Variants in ESRP1 observed in about 807,000 individuals in gnomAD.
ESRP1 encodes the protein RNA-binding motif protein 35A.
ESRP1 carries 33 observed loss-of-function variants against 81.7 expected under a neutral mutation model. The ratio of observed to expected loss-of-function variants is 0.40; its 90% CI spans 0.31 to 0.54. ESRP1 has a LOEUF of 0.54. ESRP1 is among the 20% of genes least tolerant of loss of function. The probability of loss-of-function intolerance (pLI) is 0.41; values close to 1 mark genes in which losing one functional copy is unlikely to be tolerated. For synonymous variants in ESRP1, 320 were observed against 303.3 expected, an observed-to-expected ratio of 1.06 and a Z score of -0.57; for missense variants, 672 against 833.1, an observed-to-expected ratio of 0.81 and a Z score of 2.38.
chr8:94,648,456 T>G (rs1817948222), intron 4 of ESRP1, among the ~76,000 whole-genome samples: 1 of 152,244 alleles, frequency 6.6e-6, no homozygotes. Context: ...GACCAATTTC[T>G]GAGGCTAAAA....
chr8:94,662,595 G>GTTTTT, intron 6 of ESRP1, 40 bp downstream of exon 6: 2 of 1,203,978 alleles, frequency 1.7e-6, no homozygotes, highest in Non-Finnish European at 2.3e-6. Context: ...TTTTTAACTT[G>GTTTTT]TTTTTTTTTT....
At chr8:94,692,450 C>T (rs1186414427) in intron 13 of ESRP1, among the ~76,000 whole-genome samples, 1 of 151,888 alleles carries the variant, frequency 6.6e-6, no homozygotes, top group Non-Finnish European at 1.5e-5. Flanking sequence ...GTGAGGAAGC[C>T]CTGTATGTAA....
chr8:94,662,461 C>T (rs1281674294), intron 5 of ESRP1, 40 bp from the exon 6 acceptor site: 1 of 1,574,818 alleles, frequency 6.3e-7, no homozygotes, highest in Non-Finnish European at 8.6e-7. Flanking sequence ...CTTTGTCTCC[C>T]TAATCACTAA....
At chr8:94,681,995 A>G (rs1040156342) in intron 13 of ESRP1, among the ~76,000 whole-genome samples, 18 of 152,316 alleles carry the variant, frequency 1.2e-4, no homozygotes, top group Non-Finnish European at 2.6e-4. Context: ...AAATGAAAGC[A>G]TGTATGCCTC....
intron 14 of ESRP1, 120 bp downstream of exon 14, chr8:94,692,947 G>A: frequency 9.1e-7 from 1 of 1,093,750 alleles, no homozygotes; most frequent in Non-Finnish European, 1.3e-6. Context: ...TATGCTAATG[G>A]ATTTGCTTAT....
chr8:94,665,264 G>A lies in ESRP1; in HGVS notation c.931+68G>A, dbSNP rs1818962133. The A allele has an allele frequency of 2.0e-6, 3 of 1,464,752 alleles. No homozygotes were observed. In the South Asian group the frequency reaches 3.6e-5, roughly 18 times the overall value. 90.7% of individuals were successfully genotyped at this position (1,464,752 alleles called of 1,614,324 possible). A position where few individuals can be genotyped will look rare whatever the true frequency, so the allele number is the denominator to read the frequency against. On this transcript the variant is annotated intron_variant, in intron 9 of 15. Transcript: ENST00000433389. ...TAAAAATTTTGCATACTTAAATTTAGCAAGAGTAGGTGAATAGGGTCATGA... is the reference window on the plus strand; with the variant it reads ...TAAAAATTTTGCATACTTAAATTTAACAAGAGTAGGTGAATAGGGTCATGA...
At chr8:94,642,926 G>T (rs775050371) in intron 2 of ESRP1, among the ~76,000 whole-genome samples, 16 of 152,198 alleles carry the variant, frequency 1.1e-4, no homozygotes, top group Non-Finnish European at 1.9e-4. Context: ...TTTATTAGAA[G>T]CTGGCATCTT....
Position 94,641,248 on chromosome 8 carries a change from T to C in ESRP1, c.-71T>C, listed in dbSNP as rs1817567079. On this transcript the variant is annotated 5_prime_UTR_variant, in exon 1 of 16. Transcript: ENST00000433389. ...CTCTTAGAAGAGGGTTTAGCACAGGTTTTTTCGTTCTCACTTCCACACCAC... is the reference window on the plus strand; with the variant it reads ...CTCTTAGAAGAGGGTTTAGCACAGGCTTTTTCGTTCTCACTTCCACACCAC... 6.8e-7 allele frequency: 1 copy of C among 1,466,410 alleles called. No homozygotes were observed. Among genetic ancestry groups the C allele is most frequent in the Admixed American group, 2.0e-5 (1 of 50,366 alleles). 90.8% of individuals were successfully genotyped at this position (1,466,410 alleles called of 1,614,324 possible). A position where few individuals can be genotyped will look rare whatever the true frequency, so the allele number is the denominator to read the frequency against.
intron 4 of ESRP1, among the ~76,000 whole-genome samples, chr8:94,655,297 G>A (rs1586186233): frequency 6.6e-6 from 1 of 151,316 alleles, no homozygotes; most frequent in Middle Eastern, 3.4e-3. Flanking sequence ...ATGTTGGCCA[G>A]GCTGGTCTCA....
At chr8:94,705,185 T>TGA (rs1311028573) in intron 15 of ESRP1, among the ~76,000 whole-genome samples, 11 of 88,116 alleles carry the variant, frequency 1.2e-4, no homozygotes, top group African/African-American at 4.9e-4. Flanking sequence ...TTTTTTTTTT[T>TGA]GAGACAGAGT....
At chr8:94,682,950 T>A (rs1808979843) in intron 13 of ESRP1, among the ~76,000 whole-genome samples, 1 of 97,484 alleles carries the variant, frequency 1.0e-5, no homozygotes, top group Non-Finnish European at 2.0e-5. Flanking sequence ...TTTTTTTTTT[T>A]TTTTTTTTTT....
At chr8:94,692,966 A>G in intron 14 of ESRP1, 139 bp downstream of exon 14, 1 of 944,500 alleles carries the variant, frequency 1.1e-6, no homozygotes, top group Non-Finnish European at 1.5e-6. Context: ...ATGGAAACAA[A>G]TAGATCTGGA....
At position 94,684,466 on chromosome 8, in the gene ESRP1, G is replaced by T. The variant is rs2130689479; in HGVS notation, c.1820+6095G>T. ...GATGAAAATTAAAGTCAGTTTAAAG[G>T]TTCCCTACATGAAAACTGACTTTAG... is the stretch of plus-strand genomic sequence containing the variant. On this transcript the variant is annotated intron_variant, in intron 13 of 15. Coordinates refer to ENST00000433389, the MANE Select transcript of ESRP1 (RefSeq NM_017697.4). Among the ~76,000 whole-genome samples, 4 of 152,196 alleles carry T rather than the reference G, an allele frequency of 2.6e-5. No individual in the cohort carries two copies. The South Asian group carries it at 8.3e-4, about 32-fold the overall frequency.
rs191478776 is a variant in ESRP1, at chr8:94,659,617, T to C, written c.491-2655T>C. ...ATGATTAAGCTTAGTCAGGAAGGCATGTCAAAAGCTAAGGGAGGCCAAAAG... is the reference window on the plus strand; with the variant it reads ...ATGATTAAGCTTAGTCAGGAAGGCACGTCAAAAGCTAAGGGAGGCCAAAAG... On this transcript the variant is annotated intron_variant, in intron 4 of 15. Transcript: ENST00000433389. Among the ~76,000 whole-genome samples, 30 of 152,348 alleles carry C rather than the reference T, an allele frequency of 2.0e-4. No homozygotes were observed. The East Asian group carries it at 5.2e-3, about 26-fold the overall frequency.
chr8:94,683,072 G>C (rs1165188526), intron 13 of ESRP1, among the ~76,000 whole-genome samples: 2 of 145,624 alleles, frequency 1.4e-5, no homozygotes, highest in African/African-American at 5.1e-5. Context: ...AGGCTCCCAA[G>C]TAGCTGAATT....
chr8:94,689,834 T>G (rs1809311374), intron 13 of ESRP1, among the ~76,000 whole-genome samples: 2 of 131,896 alleles, frequency 1.5e-5, no homozygotes, highest in Admixed American at 1.6e-4. Flanking sequence ...TTTTTTTTTT[T>G]TTGATGGAGT....
intron 12 of ESRP1, among the ~76,000 whole-genome samples, chr8:94,676,950 C>T (rs1048875408): frequency 7.9e-5 from 12 of 151,848 alleles, no homozygotes; most frequent in African/African-American, 1.9e-4. Context: ...GTCAGGAGTT[C>T]GAGACCAGCC....
rs561226644 is a variant in ESRP1 at position 94,659,016 on chromosome 8, C to T, written c.491-3256C>T. On this transcript the variant is annotated intron_variant, in intron 4 of 15. Transcript: ENST00000433389. The stretch of plus-strand genomic sequence containing the variant: ...CGACCTCCCAGGCTCAAGCAATCCT[C>T]CCACCTCAGCCTCCTGAGTAGATGC... Among the ~76,000 whole-genome samples, 6 of 152,188 alleles carry T rather than the reference C, an allele frequency of 3.9e-5. No homozygotes were observed. The South Asian group carries it at 1.2e-3, about 32-fold the overall frequency.
chr8:94,668,295 G>A (rs1010877820), intron 10 of ESRP1, 45 bp downstream of exon 10: 4 of 1,488,972 alleles, frequency 2.7e-6, no homozygotes, highest in South Asian at 2.8e-5. Context: ...ATTAATTTCT[G>A]TTCTTTATCT....
Sources: gnomAD v4.1 joint callset for allele counts (sites outside exome capture counted in the v4.1 genomes callset) on GRCh38, gnomAD v4.1.1 for gene constraint, MANE v1.5 for transcripts, NCBI Gene and HGNC (gene_info 2026-07-23, HGNC 2026-07-21) for gene names.